Variants in CAMKMT observed in about 807,000 individuals in gnomAD.
CAMKMT encodes the protein calmodulin-lysine N-methyltransferase.
In CAMKMT, 53 loss-of-function variants were observed where a neutral mutation model predicts 48.0. The ratio of observed to expected loss-of-function variants is 1.10; its 90% CI spans 0.89 to 1.39. The LOEUF is 1.39. Among genes scored for constraint, CAMKMT ranks in the 40% most tolerant of loss-of-function variants. The pLI is 0.00. For missense variants in CAMKMT, 428 were observed against 402.7 expected (o/e 1.06, Z -0.54); for synonymous variants, 165 against 152.3 (o/e 1.08, Z -0.61).
chr2:44,505,833 GTTTATTTACTTTATTTATTTA>G (rs1670229157), intron 3 of CAMKMT, among the ~76,000 whole-genome samples: 2 of 145,572 alleles, frequency 1.4e-5, no homozygotes, highest in East Asian at 2.0e-4. Flanking sequence ...GAAACAAGGA[GTTTATTTACTTTATTTATTTA>G]TTTATTTATT....
chr2:44,397,539 C>CCA (rs960421186), intron 3 of CAMKMT, among the ~76,000 whole-genome samples: 5 of 152,112 alleles, frequency 3.3e-5, no homozygotes, highest in Admixed American at 6.6e-5. Flanking sequence ...CCATGTGTCT[C>CCA]CAACTTCTTA....
chr2:44,528,162 A>G (rs1666271016), intron 3 of CAMKMT, among the ~76,000 whole-genome samples: 1 of 151,974 alleles, frequency 6.6e-6, no homozygotes, highest in Non-Finnish European at 1.5e-5. Context: ...TCTTTTGTTG[A>G]TTGTCATAAA....
At chr2:44,501,449 C>T (rs571881525) in intron 3 of CAMKMT, among the ~76,000 whole-genome samples, 4 of 152,168 alleles carry the variant, frequency 2.6e-5, no homozygotes, top group African/African-American at 7.2e-5. Context: ...TTAAATGCTA[C>T]GTGTTTCTAC....
At chr2:44,619,896 CT>C (rs1327838486) in intron 3 of CAMKMT, among the ~76,000 whole-genome samples, 1 of 152,152 alleles carries the variant, frequency 6.6e-6, no homozygotes, top group East Asian at 1.9e-4. Context: ...CTTCTAGATG[CT>C]TTTTAAGATA....
chr2:44,699,963 A>G lies in CAMKMT; in HGVS notation c.377-4320A>G, dbSNP rs563992411. The stretch of plus-strand genomic sequence containing the variant: ...ATCTGCTTCCAATGGAAGGCTTCCA[A>G]TGTTTGTCTGCATTGAAAATCTGTT... On this transcript the variant is annotated intron_variant, in intron 3 of 10. Transcript: ENST00000378494. Among the ~76,000 whole-genome samples, 198 of 152,254 alleles carry G rather than the reference A, an allele frequency of 1.3e-3. 1 individual carries two copies. Among genetic ancestry groups the G allele is most frequent in the Non-Finnish European group, 2.2e-3 (152 of 68,010 alleles).
chr2:44,484,525 G>C (rs1558649581), intron 3 of CAMKMT, among the ~76,000 whole-genome samples: 1 of 151,462 alleles, frequency 6.6e-6, no homozygotes, highest in East Asian at 1.9e-4. Flanking sequence ...ATAACCTCAT[G>C]AAAAAAAATC....
chr2:44,456,559 C>G (rs1170509305), intron 3 of CAMKMT: 1 of 1,549,454 alleles, frequency 6.5e-7, no homozygotes, highest in African/African-American at 1.4e-5. Context: ...GTCATCCTTT[C>G]TCTTTTAGGG....
chr2:44,658,703 T>C (rs1216195767), intron 3 of CAMKMT, among the ~76,000 whole-genome samples: 1 of 152,176 alleles, frequency 6.6e-6, no homozygotes, highest in East Asian at 1.9e-4. Context: ...AAGATTACTA[T>C]TGCATTTATT....
intron 10 of CAMKMT, among the ~76,000 whole-genome samples, chr2:44,770,573 A>G (rs1681062209): frequency 6.6e-6 from 1 of 152,182 alleles, no homozygotes. Flanking sequence ...CCAAGGAAAG[A>G]ATTGAGCTAG....
chr2:44,757,220 C>A (rs895954402), intron 9 of CAMKMT, among the ~76,000 whole-genome samples: 12 of 152,176 alleles, frequency 7.9e-5, no homozygotes, highest in Non-Finnish European at 1.6e-4. Flanking sequence ...TGATGGGATG[C>A]CTGAGTTCCA....
intron 3 of CAMKMT, among the ~76,000 whole-genome samples, chr2:44,566,883 T>C (rs1668644566): frequency 6.6e-6 from 1 of 152,230 alleles, no homozygotes; most frequent in Non-Finnish European, 1.5e-5. Context: ...CAAGGATTAC[T>C]GTTAATGTGT....
rs547001882 is a variant in CAMKMT at position 44,521,213 on chromosome 2, T to C, written c.376+130908T>C. On this transcript the variant is annotated intron_variant, in intron 3 of 10. Transcript: ENST00000378494. ...AGATGCTCTGCTCATGGTAATACTG[T>C]TTTCAACAGCATTTTACAATTTATC... Among the ~76,000 whole-genome samples the C allele has an allele frequency of 4.5e-4, 68 of 152,308 alleles. No homozygotes were observed. The South Asian group carries it at 7.9e-3, about 18-fold the overall frequency.
intron 3 of CAMKMT, among the ~76,000 whole-genome samples, chr2:44,603,989 T>A (rs1671144899): frequency 6.6e-6 from 1 of 152,224 alleles, no homozygotes; most frequent in African/African-American, 2.4e-5. Flanking sequence ...AGTTGTCAAA[T>A]TGCTTACCTC....
rs1674202082 is a variant in CAMKMT, at chr2:44,653,457, G to A, written c.377-50826G>A. 6.6e-6 allele frequency among the ~76,000 whole-genome samples: 1 copy of A among 152,176 alleles called. No homozygotes were observed. Among genetic ancestry groups the A allele is most frequent in the African/African-American group, 2.4e-5 (1 of 41,448 alleles). On this transcript the variant is annotated intron_variant, in intron 3 of 10. Transcript: ENST00000378494. The surrounding 1 kb of genome is among the most constrained non-coding windows in gnomAD (Gnocchi z 5.2). ...TAGATATAGTTTTATCTCATTGATAGAGAAACATGGGCCCTTAGGAGTGAA... is the reference window on the plus strand; with the variant it reads ...TAGATATAGTTTTATCTCATTGATAAAGAAACATGGGCCCTTAGGAGTGAA...
chr2:44,392,383 T>G (rs935053412), intron 3 of CAMKMT, among the ~76,000 whole-genome samples: 19 of 152,116 alleles, frequency 1.2e-4, no homozygotes. Context: ...AATGATAAAT[T>G]GGTAAAGTCC....
At chr2:44,526,888 C>T (rs986464522) in intron 3 of CAMKMT, among the ~76,000 whole-genome samples, 2 of 152,052 alleles carry the variant, frequency 1.3e-5, no homozygotes, top group African/African-American at 4.8e-5. Context: ...AGATATAGTT[C>T]ATACACATAC....
intron 3 of CAMKMT, among the ~76,000 whole-genome samples, chr2:44,439,078 C>T (rs1159688443): frequency 1.3e-5 from 2 of 152,028 alleles, no homozygotes; most frequent in East Asian, 3.8e-4. Context: ...ACAGAAGAAA[C>T]AGCTATAGTG....
intron 3 of CAMKMT, among the ~76,000 whole-genome samples, chr2:44,463,507 C>G (rs1288318434): frequency 1.3e-5 from 2 of 152,244 alleles, no homozygotes; most frequent in South Asian, 4.1e-4. Context: ...ATGCAATATA[C>G]TAGCTTTTTA....
intron 3 of CAMKMT, among the ~76,000 whole-genome samples, chr2:44,599,952 ATAAC>A (rs1479914502): frequency 2.0e-5 from 3 of 152,062 alleles, no homozygotes; most frequent in African/African-American, 7.3e-5. Context: ...TGGACTTTGA[ATAAC>A]TAATGATTTT....
Sources: allele counts gnomAD v4.1 joint callset (sites outside exome capture counted in the v4.1 genomes callset), GRCh38; gene constraint gnomAD v4.1.1; non-coding constraint Gnocchi (gnomAD v3.1); transcripts MANE v1.5; gene names NCBI Gene and HGNC (gene_info 2026-07-23, HGNC 2026-07-21).